The following BNIPL variants were observed in gnomAD, a reference collection of about 807,000 sequenced individuals.
BNIPL encodes the protein bcl-2/adenovirus E1B 19 kDa-interacting protein 2-like protein.
A neutral mutation model predicts 47.0 loss-of-function variants in BNIPL; 33 were observed. That is an observed-to-expected ratio of 0.70 (90% CI 0.53 to 0.94). The LOEUF (loss-of-function observed/expected upper bound fraction) is 0.94. Ranked by LOEUF, BNIPL falls within the 40% of genes least tolerant of loss-of-function variation. The pLI, the probability that BNIPL is intolerant of heterozygous loss-of-function variation, is 0.00. For synonymous variants in BNIPL, 145 were observed against 162.7 expected, an observed-to-expected ratio of 0.89 and a Z score of 0.83; for missense variants, 404 against 445.2, an observed-to-expected ratio of 0.91 and a Z score of 0.83.
At position 151,046,563 on chromosome 1, in the gene BNIPL, T is replaced by C. The variant is rs1004507711; in HGVS notation, c.1038-88T>C. On this transcript the variant is annotated intron_variant, in intron 9 of 9. Transcript: ENST00000368931. ...CAACCCAATCATCTAGCTCTTCCAA[T>C]TCACCTGGCTTCTCTCCCCAAACCA... The C allele has an allele frequency of 4.0e-6, 5 of 1,254,890 alleles. No individual in the cohort carries two copies. The East Asian group carries it at 1.2e-4, about 30-fold the overall frequency. The allele number at this position is 1,254,890 out of a possible 1,614,324, so 77.7% of individuals were successfully genotyped here. A position where few individuals can be genotyped will look rare whatever the true frequency, so the allele number is the denominator to read the frequency against.
rs1045692522 is a variant in BNIPL, at chr1:151,043,656, T to C, written c.780T>C (p.Ser260=). 6 of 1,611,676 alleles carry C rather than the reference T, an allele frequency of 3.7e-6. No individual in the cohort carries two copies. The highest frequency in any genetic ancestry group is 5.1e-6 in the Non-Finnish European group (6 of 1,177,828). The change falls in exon 7 of 10, where the codon AGT becomes AGC. Residue 260 remains serine (S), a synonymous_variant. Coordinates refer to ENST00000368931, the MANE Select transcript of BNIPL (RefSeq NM_138278.4). ...AAAATTACCTGCTTGTTCATTTGAG[T>C]GGAGGCACAAGCAGGGCCCAAGTTC... ...VAENYLLVHL[S]GGTSRAQVPP... is the part of the protein sequence containing the mutation.
At position 151,047,522 on chromosome 1, in the gene BNIPL, G is replaced by T; in HGVS notation, c.*835G>T. 6.5e-6 allele frequency: 2 copies of T among 308,792 alleles called. No individual in the cohort carries two copies. The highest frequency in any genetic ancestry group is 1.2e-5 in the Non-Finnish European group (2 of 168,118). The allele number at this position is 308,792 out of a possible 1,614,324, so 19.1% of individuals were successfully genotyped here. A position where few individuals can be genotyped will look rare whatever the true frequency, so the allele number is the denominator to read the frequency against. Reference sequence around the variant, plus strand: ...CTGGGAAGGAGTGCTTTCAAAACCTGTATTTTTGCCCTCTTTAGTAAATTT... The same window carrying T: ...CTGGGAAGGAGTGCTTTCAAAACCTTTATTTTTGCCCTCTTTAGTAAATTT... On this transcript the variant is annotated 3_prime_UTR_variant, in exon 10 of 10. Transcript: ENST00000368931.
Position 151,036,748 on chromosome 1 carries a change from GA to G in BNIPL, c.29del (p.Lys10ArgfsTer15). The G allele has an allele frequency of 6.2e-7, 1 of 1,611,712 alleles. No individual in the cohort carries two copies. The highest frequency in any genetic ancestry group is 8.5e-7 in the Non-Finnish European group (1 of 1,177,854). Reference protein sequence around the residue: MGTIQEAGKKTDVGVREI... With the variant: MGTIQEAXKKTDVGVREI... ...AAGATGGGAACTATACAAGAGGCAG[GA>G]AAAAAGACAGATGTTGGGTAAGTAA... On this transcript the variant is annotated frameshift_variant, in exon 1 of 10. Transcript: ENST00000368931. LOFTEE classifies it high-confidence loss of function.
intron 2 of BNIPL, among the ~76,000 whole-genome samples, chr1:151,038,094 G>A (rs1004005225): frequency 1.3e-5 from 2 of 150,982 alleles, no homozygotes; most frequent in Non-Finnish European, 1.5e-5. Context: ...GAAAACAGAG[G>A]CCGGGCGTGG....
chr1:151,041,802 C>T (rs1335819615), intron 4 of BNIPL, among the ~76,000 whole-genome samples: 2 of 151,986 alleles, frequency 1.3e-5, no homozygotes, highest in Non-Finnish European at 2.9e-5. Flanking sequence ...GGCAAAACCT[C>T]GTCTCTACTA....
chr1:151,042,255 T>C (rs1675851054), intron 4 of BNIPL, among the ~76,000 whole-genome samples: 1 of 151,782 alleles, frequency 6.6e-6, no homozygotes, highest in South Asian at 2.1e-4. Flanking sequence ...TTGTTGTTGT[T>C]ATTGTTTTGT....
intron 9 of BNIPL, 137 bp from the exon 10 acceptor site, chr1:151,046,514 G>A (rs1226815309): frequency 2.6e-6 from 2 of 777,414 alleles, no homozygotes; most frequent in Non-Finnish European, 2.1e-6. Context: ...GGGTGTTAGG[G>A]AGCAAAAGTG....
chr1:151,044,970 A>C, intron 7 of BNIPL: 1 of 1,284,190 alleles, frequency 7.8e-7, no homozygotes, highest in Non-Finnish European at 1.0e-6. Flanking sequence ...AATGGAGCAG[A>C]AAAAGACCAG....
In BNIPL at chr1:151,045,683, A is replaced by C. The variant is rs1571844345; in HGVS notation, c.852-114A>C. ...GGGGATTAGACCCAAGTACCAGATA[A>C]ATCTAGAAACTAGAGAAGTGAATGA... On this transcript the variant is annotated intron_variant, in intron 7 of 9. Coordinates refer to ENST00000368931, the MANE Select transcript of BNIPL (RefSeq NM_138278.4). The C allele has an allele frequency of 2.0e-5, 31 of 1,542,092 alleles. No homozygotes were observed. The East Asian group carries it at 6.8e-4, about 34-fold the overall frequency.
At chr1:151,042,858 T>G in intron 4 of BNIPL, 98 bp from the exon 5 acceptor site, 1 of 985,716 alleles carries the variant, frequency 1.0e-6, no homozygotes, top group Non-Finnish European at 1.5e-6. Context: ...AATTGAGTAA[T>G]GACAGATTAG....
At chr1:151,044,626 G>A (rs965330614) in intron 7 of BNIPL, among the ~76,000 whole-genome samples, 1 of 151,746 alleles carries the variant, frequency 6.6e-6, no homozygotes, top group Non-Finnish European at 1.5e-5. Flanking sequence ...TTGTATTTTT[G>A]TTGTTGTTGT....
At chr1:151,045,224 G>A (rs1230575515) in intron 7 of BNIPL, among the ~76,000 whole-genome samples, 4 of 129,532 alleles carry the variant, frequency 3.1e-5, no homozygotes, top group Non-Finnish European at 3.1e-5. Flanking sequence ...AGCCGAGATC[G>A]AGCCACTGAC....
chr1:151,042,145 T>C (rs1675845639), intron 4 of BNIPL, among the ~76,000 whole-genome samples: 1 of 152,038 alleles, frequency 6.6e-6, no homozygotes, highest in South Asian at 2.1e-4. Context: ...TGCAGTGGTA[T>C]GATCATAGTT....
chr1:151,040,663 CACACACCTGT>C (rs1675784880), intron 4 of BNIPL, among the ~76,000 whole-genome samples: 1 of 151,748 alleles, frequency 6.6e-6, no homozygotes, highest in South Asian at 2.1e-4. Context: ...GGTATGGTGG[CACACACCTGT>C]AATCCCAGCT....
chr1:151,044,828 C>G, intron 7 of BNIPL: 1 of 1,286,638 alleles, frequency 7.8e-7, no homozygotes, highest in Non-Finnish European at 1.0e-6. Flanking sequence ...GCTCACATTT[C>G]TCTTCTTGCC....
At chr1:151,041,572 T>C (rs906172442) in intron 4 of BNIPL, among the ~76,000 whole-genome samples, 1 of 151,640 alleles carries the variant, frequency 6.6e-6, no homozygotes, top group African/African-American at 2.4e-5. Flanking sequence ...GTACTCCAGC[T>C]TGGATAGCAG....
rs116330355 is a variant in BNIPL, at chr1:151,047,491, G to C, written c.*804G>C. ...TCCTTCTAAGTCATGTCTGCTGCCT[G>C]TGAGCCTGGGAAGGAGTGCTTTCAA... On this transcript the variant is annotated 3_prime_UTR_variant, in exon 10 of 10. Transcript: ENST00000368931. 4,477 of 233,204 alleles carry C rather than the reference G, an allele frequency of 0.019. 66 individuals carry two copies. The highest frequency in any genetic ancestry group is 0.025 in the Non-Finnish European group (3,060 of 120,230). 14.4% of individuals were successfully genotyped at this position (233,204 alleles called of 1,614,324 possible).
At chr1:151,043,311 T>C (rs1427536038) in intron 5 of BNIPL, 21 bp from the exon 6 acceptor site, 3 of 1,562,896 alleles carry the variant, frequency 1.9e-6, no homozygotes, top group Non-Finnish European at 2.6e-6. Context: ...ACCAAATGAA[T>C]TTTCCCCTTA....
In BNIPL at chr1:151,037,646, G is replaced by T; in HGVS notation, c.121G>T (p.Asp41Tyr). ...GTTGGAGCTGAAGGAGGAATGGCAGGATGAAGAATTCCCTAGGTGAGGACG... is the reference window on the plus strand; with the variant it reads ...GTTGGAGCTGAAGGAGGAATGGCAGTATGAAGAATTCCCTAGGTGAGGACG... ...GELELKEEWQ[D>Y]EEFPRLLPEE... The change falls in exon 2 of 10, where the codon GAT becomes TAT. Residue 41 changes from aspartate (D) to tyrosine (Y), a missense_variant. Physicochemically the swap from Asp to Tyr is radical, Grantham distance 160. Transcript: ENST00000368931. 1 of 1,600,562 alleles carries T rather than the reference G, an allele frequency of 6.2e-7. No homozygotes were observed. Among genetic ancestry groups the T allele is most frequent in the South Asian group, 1.1e-5 (1 of 88,718 alleles).
Sources: gnomAD v4.1 joint callset for allele counts (sites outside exome capture counted in the v4.1 genomes callset) on GRCh38, gnomAD v4.1.1 for gene constraint, MANE v1.5 for transcripts, NCBI Gene and HGNC (gene_info 2026-07-23, HGNC 2026-07-21) for gene names.